Variants in SPIN1 observed in about 807,000 individuals in gnomAD.
SPIN1 encodes spindlin 1.
Under a neutral mutation model 26.0 loss-of-function variants are expected in SPIN1, and 3 were observed. The observed-to-expected ratio is 0.12, with a 90% confidence interval of 0.05 to 0.30. The LOEUF is 0.30. Among genes scored for constraint, SPIN1 ranks in the 10% least tolerant of loss-of-function variants. SPIN1 has a pLI of 1.00. For missense variants in SPIN1, 126 were observed against 333.4 expected (o/e 0.38, Z 4.84); for synonymous variants, 101 against 116.5 (o/e 0.87, Z 0.86).
chr9:88,397,831 C>T (rs1161271463), intron 1 of SPIN1, among the ~76,000 whole-genome samples: 1 of 150,774 alleles, frequency 6.6e-6, no homozygotes, highest in East Asian at 2.0e-4. Context: ...ACCTTGTTGG[C>T]CAGACTGGTC....
At chr9:88,425,711 G>A (rs1827752055) in intron 1 of SPIN1, among the ~76,000 whole-genome samples, 1 of 151,466 alleles carries the variant, frequency 6.6e-6, no homozygotes, top group Non-Finnish European at 1.5e-5. Context: ...TCCATAAAAT[G>A]ACTTTGGCAT....
intron 1 of SPIN1, among the ~76,000 whole-genome samples, chr9:88,398,888 A>G: frequency 6.7e-6 from 1 of 149,642 alleles, no homozygotes; most frequent in East Asian, 2.0e-4. Context: ...TAATTGTAAT[A>G]TTTTTTTCAG....
chr9:88,457,976 G>A (rs542219127), intron 3 of SPIN1: 7 of 985,332 alleles, frequency 7.1e-6, no homozygotes, highest in Admixed American at 6.1e-5. Flanking sequence ...AAGGTTTTAA[G>A]TTTTTCTTTT....
At chr9:88,408,981 T>TGTGTGTGTGTGTGTGTGTG (rs1827375578) in intron 1 of SPIN1, among the ~76,000 whole-genome samples, 3 of 136,596 alleles carry the variant, frequency 2.2e-5, no homozygotes, top group Admixed American at 1.5e-4. Flanking sequence ...TTGTGTGTGT[T>TGTGTGTGTGTGTGTGTGTG]TGTGTGTGTG....
intron 5 of SPIN1, among the ~76,000 whole-genome samples, chr9:88,471,227 C>T (rs1302059597): frequency 6.6e-6 from 1 of 152,068 alleles, no homozygotes; most frequent in Non-Finnish European, 1.5e-5. Flanking sequence ...ATAGCTCTTA[C>T]TTAGAGATCT....
At chr9:88,454,689 A>G (rs900690857) in intron 3 of SPIN1, among the ~76,000 whole-genome samples, 1 of 152,168 alleles carries the variant, frequency 6.6e-6, no homozygotes, top group African/African-American at 2.4e-5. Context: ...AGATATTCTT[A>G]GTGTATCTAA....
At chr9:88,399,339 G>A (rs7852064) in intron 1 of SPIN1, among the ~76,000 whole-genome samples, 29,162 of 152,128 alleles carry the variant, frequency 0.19, 3,703 homozygotes, top group African/African-American at 0.37. Flanking sequence ...GCCGTTAAGC[G>A]GTTTCTGTCA....
At chr9:88,447,520 C>T (rs1018710730) in intron 2 of SPIN1, among the ~76,000 whole-genome samples, 6 of 152,134 alleles carry the variant, frequency 3.9e-5, no homozygotes, top group Non-Finnish European at 8.8e-5. Flanking sequence ...CAGGCTTCCT[C>T]ACATTTCCTA....
chr9:88,395,157 A>G (rs752767206), intron 1 of SPIN1, among the ~76,000 whole-genome samples: 10 of 152,156 alleles, frequency 6.6e-5, no homozygotes, highest in African/African-American at 4.8e-5. Context: ...ACATTTATGT[A>G]GTTAAAAAAT....
At chr9:88,409,182 A>T (rs1221868464) in intron 1 of SPIN1, among the ~76,000 whole-genome samples, 2 of 149,424 alleles carry the variant, frequency 1.3e-5, no homozygotes, top group South Asian at 2.1e-4. Flanking sequence ...TTTAGTAGAG[A>T]TGGGGTTTTT....
chr9:88,449,996 G>GTA (rs1182580902), intron 3 of SPIN1, among the ~76,000 whole-genome samples: 2 of 152,182 alleles, frequency 1.3e-5, no homozygotes, highest in African/African-American at 4.8e-5. Flanking sequence ...TCCAAAATGT[G>GTA]TACGTGATAC....
chr9:88,443,337 A>G (rs904061738), intron 2 of SPIN1, among the ~76,000 whole-genome samples: 1 of 152,142 alleles, frequency 6.6e-6, no homozygotes, highest in Non-Finnish European at 1.5e-5. Context: ...AGTCCTGTCC[A>G]GTCTACTAAT....
intron 2 of SPIN1, among the ~76,000 whole-genome samples, chr9:88,447,875 T>A (rs1564036517): frequency 6.6e-6 from 1 of 152,364 alleles, no homozygotes; most frequent in East Asian, 1.9e-4. Context: ...TGCAGGGTTC[T>A]CGTGTGTGTT....
intron 1 of SPIN1, among the ~76,000 whole-genome samples, chr9:88,417,701 G>C (rs1250269165): frequency 6.6e-6 from 1 of 152,042 alleles, no homozygotes; most frequent in South Asian, 2.1e-4. Flanking sequence ...TTGAACTCCT[G>C]ACCTCAAGTG....
intron 1 of SPIN1, among the ~76,000 whole-genome samples, chr9:88,392,392 C>T (rs1826943619): frequency 6.6e-6 from 1 of 152,186 alleles, no homozygotes. Context: ...GATACACATG[C>T]ATATAATGAG....
intron 1 of SPIN1, among the ~76,000 whole-genome samples, chr9:88,404,349 C>G (rs1827250995): frequency 6.6e-6 from 1 of 152,182 alleles, no homozygotes; most frequent in African/African-American, 2.4e-5. Context: ...CCTTAGCTTA[C>G]TCTCCCCTAA....
intron 2 of SPIN1, among the ~76,000 whole-genome samples, chr9:88,429,725 T>C (rs1827828995): frequency 6.6e-6 from 1 of 152,144 alleles, no homozygotes; most frequent in African/African-American, 2.4e-5. Flanking sequence ...CATGATTGAT[T>C]ACATCAGTGG....
chr9:88,439,731 GC>G (rs1469575548), intron 2 of SPIN1, among the ~76,000 whole-genome samples: 2 of 152,030 alleles, frequency 1.3e-5, no homozygotes, highest in African/African-American at 4.8e-5. Flanking sequence ...TTTATGTAAT[GC>G]CCCCCTTTAT....
intron 3 of SPIN1, among the ~76,000 whole-genome samples, chr9:88,450,626 T>C (rs1047279656): frequency 3.2e-4 from 48 of 152,178 alleles, no homozygotes; most frequent in Non-Finnish European, 6.0e-4. Context: ...TGAAAAAATC[T>C]CTCATCCTAT....
Sources: gnomAD v4.1 joint callset for allele counts (sites outside exome capture counted in the v4.1 genomes callset) on GRCh38, gnomAD v4.1.1 for gene constraint, MANE v1.5 for transcripts, NCBI Gene and HGNC (gene_info 2026-07-23, HGNC 2026-07-21) for gene names.